Variants in PLXDC1 observed in about 807,000 individuals in gnomAD.
PLXDC1 encodes the protein plexin domain-containing protein 1.
Under a neutral mutation model 61.3 loss-of-function variants are expected in PLXDC1, and 39 were observed. The ratio of observed to expected loss-of-function variants is 0.64; its 90% CI spans 0.49 to 0.83. The LOEUF (loss-of-function observed/expected upper bound fraction) is 0.83, where lower values mean the gene tolerates loss of function less well. PLXDC1 is among the 40% of genes least tolerant of loss of function. The pLI is 0.00. For synonymous variants in PLXDC1, 212 were observed against 254.5 expected, an observed-to-expected ratio of 0.83 and a Z score of 1.59; for missense variants, 596 against 666.5, an observed-to-expected ratio of 0.89 and a Z score of 1.17.
chr17:39,078,195 T>C, intron 10 of PLXDC1, 147 bp from the exon 11 acceptor site: 1 of 800,006 alleles, frequency 1.2e-6, no homozygotes, highest in East Asian at 2.9e-5. Context: ...CTTAAATAAA[T>C]AGAGCAAATC....
chr17:39,137,025 A>C (rs12952966), intron 2 of PLXDC1, among the ~76,000 whole-genome samples: 2,504 of 152,340 alleles, frequency 0.016, 28 homozygotes, highest in Non-Finnish European at 0.026. Flanking sequence ...TGACAAATGT[A>C]AGTCTCTTGA....
chr17:39,090,868 A>G (rs1019663606), intron 7 of PLXDC1, among the ~76,000 whole-genome samples: 2 of 129,284 alleles, frequency 1.5e-5, no homozygotes, highest in African/African-American at 5.5e-5. Context: ...TCCTGTCCTT[A>G]CTCTGTCTTT....
chr17:39,148,433 T>A (rs1035642172), intron 1 of PLXDC1, among the ~76,000 whole-genome samples: 1 of 151,700 alleles, frequency 6.6e-6, no homozygotes, highest in Non-Finnish European at 1.5e-5. Flanking sequence ...CAGGCTGGAG[T>A]GCAGTGGTGC....
At chr17:39,143,852 C>A (rs77747446) in intron 1 of PLXDC1, among the ~76,000 whole-genome samples, 2,144 of 152,248 alleles carry the variant, frequency 0.014, 46 homozygotes, top group African/African-American at 0.049. Flanking sequence ...AGGCAGCCTG[C>A]CCACTGCCCA....
At chr17:39,108,880 C>T (rs572132141) in intron 4 of PLXDC1, 24 bp downstream of exon 4, 161 of 1,585,048 alleles carry the variant, frequency 1.0e-4, no homozygotes, top group Admixed American at 4.2e-4. Flanking sequence ...AGACTCTCCC[C>T]GGGGCCCCAC....
chr17:39,086,615 A>G (rs1375738028), intron 8 of PLXDC1, among the ~76,000 whole-genome samples: 1 of 151,940 alleles, frequency 6.6e-6, no homozygotes. Flanking sequence ...TAATCCCAGC[A>G]CTTTGGGAGG....
chr17:39,141,541 T>C (rs1426653541), intron 1 of PLXDC1, among the ~76,000 whole-genome samples: 1 of 152,224 alleles, frequency 6.6e-6, no homozygotes, highest in Non-Finnish European at 1.5e-5. Flanking sequence ...CAACTATCAA[T>C]GGATGTCTGT....
At chr17:39,129,101 T>G (rs957945809) in intron 2 of PLXDC1, among the ~76,000 whole-genome samples, 1 of 151,078 alleles carries the variant, frequency 6.6e-6, no homozygotes, top group African/African-American at 2.4e-5. Flanking sequence ...GTGGATCACT[T>G]GAGGCCAAGA....
chr17:39,086,926 G>A (rs1199100231), intron 8 of PLXDC1, among the ~76,000 whole-genome samples: 1 of 151,688 alleles, frequency 6.6e-6, no homozygotes, highest in African/African-American at 2.4e-5. Flanking sequence ...AGAAGGCCAT[G>A]GCTTCAGCAG....
chr17:39,066,590 C>CTT lies in PLXDC1; in HGVS notation c.*1248_*1249dup, dbSNP rs879657502. The CTT allele has an allele frequency of 1.4e-5, 2 of 145,716 alleles. No individual in the cohort carries two copies. The highest frequency in any genetic ancestry group is 3.0e-5 in the Non-Finnish European group (2 of 65,804). 9.0% of individuals were successfully genotyped at this position (145,716 alleles called of 1,614,324 possible). A position where few individuals can be genotyped will look rare whatever the true frequency, so the allele number is the denominator to read the frequency against. Reference sequence around the variant, plus strand: ...CTCTATAGCCATGAGGATCTGCTTTCTTTTTTTTTTTTTGAGACGGAGTCT... The same window carrying CTT: ...CTCTATAGCCATGAGGATCTGCTTTCTTTTTTTTTTTTTTTGAGACGGAGTCT... On this transcript the variant is annotated 3_prime_UTR_variant, in exon 14 of 14. Coordinates refer to ENST00000315392, the MANE Select transcript of PLXDC1 (RefSeq NM_020405.5).
intron 2 of PLXDC1, among the ~76,000 whole-genome samples, chr17:39,136,864 T>C (rs1460254911): frequency 6.6e-6 from 1 of 151,440 alleles, no homozygotes; most frequent in Non-Finnish European, 1.5e-5. Context: ...ACAAGCACAC[T>C]AACAAATAAA....
chr17:39,151,826 C>T (rs1466461229), upstream of PLXDC1, among the ~76,000 whole-genome samples: 1 of 152,178 alleles, frequency 6.6e-6, no homozygotes, highest in Non-Finnish European at 1.5e-5. The surrounding 1 kb of genome is among the most constrained non-coding windows in gnomAD (Gnocchi z 5.2). Flanking sequence ...GGGCGGGAGC[C>T]CCTCGGGCTG....
intron 11 of PLXDC1, chr17:39,073,203 A>G (rs1286254699): frequency 1.3e-5 from 2 of 151,996 alleles, no homozygotes; most frequent in African/African-American, 4.8e-5. Context: ...ATTAAAAAAG[A>G]TTTTTTTGAG....
chr17:39,099,388 TG>T (rs1373783784), intron 7 of PLXDC1, among the ~76,000 whole-genome samples: 1 of 152,122 alleles, frequency 6.6e-6, no homozygotes, highest in African/African-American at 2.4e-5. Context: ...AGACTCTGCC[TG>T]GAAGAAGCCC....
At chr17:39,092,647 A>G (rs2082630906) in intron 7 of PLXDC1, among the ~76,000 whole-genome samples, 1 of 152,192 alleles carries the variant, frequency 6.6e-6, no homozygotes, top group Non-Finnish European at 1.5e-5. Context: ...CCACTTTACA[A>G]AGGAGAAAAG....
In PLXDC1 at chr17:39,063,361, T is replaced by C. The variant is rs181819764; in HGVS notation, c.*4479A>G. 1.7e-5 allele frequency: 11 copies of C among 655,956 alleles called. No homozygotes were observed. The African/African-American group carries it at 1.8e-4, about 11-fold the overall frequency. The allele number at this position is 655,956 out of a possible 1,614,324, so 40.6% of individuals were successfully genotyped here. On this transcript the variant is annotated 3_prime_UTR_variant, in exon 14 of 14. Coordinates refer to ENST00000315392, the MANE Select transcript of PLXDC1 (RefSeq NM_020405.5). ...TCCTCAGACAGTAGATAAAAATGCA[T>C]GGGGTTTACTTCCAGGGATTTACAG...
chr17:39,145,626 G>A (rs2045336622), intron 1 of PLXDC1, among the ~76,000 whole-genome samples: 1 of 152,142 alleles, frequency 6.6e-6, no homozygotes, highest in Admixed American at 6.5e-5. Flanking sequence ...AAGAGGAGAA[G>A]AGAAAGGAGG....
At position 39,109,397 on chromosome 17, in the gene PLXDC1, G is replaced by A. The variant is rs747775189; in HGVS notation, c.256-6C>T. 351 of 1,579,152 alleles carry A rather than the reference G, an allele frequency of 2.2e-4. 3 individuals carry two copies. The highest frequency in any genetic ancestry group is 8.3e-4 in the Middle Eastern group (5 of 5,998). ...TAATAGCTGTGGTTGTCCTCCTGCCGGCACCCAAGATAAAGCCCACAGGAG... is the reference window on the plus strand; with the variant it reads ...TAATAGCTGTGGTTGTCCTCCTGCCAGCACCCAAGATAAAGCCCACAGGAG... On this transcript the variant is annotated splice_polypyrimidine_tract_variant and splice_region_variant and intron_variant, in intron 2 of 13. Transcript: ENST00000315392.
intron 8 of PLXDC1, among the ~76,000 whole-genome samples, chr17:39,087,243 T>C (rs1183267977): frequency 6.6e-6 from 1 of 152,214 alleles, no homozygotes; most frequent in South Asian, 2.1e-4. Context: ...CCCGTCTAGT[T>C]CCTGGATCAC....
Sources: gnomAD v4.1 joint callset for allele counts (sites outside exome capture counted in the v4.1 genomes callset) on GRCh38, gnomAD v4.1.1 for gene constraint, Gnocchi (gnomAD v3.1) non-coding constraint, MANE v1.5 for transcripts, NCBI Gene and HGNC (gene_info 2026-07-23, HGNC 2026-07-21) for gene names.